The following AFG1L variants were observed in gnomAD, a reference collection of about 807,000 sequenced individuals.
AFG1L encodes AFG1 like ATPase.
In AFG1L, 53 loss-of-function variants were observed where a neutral mutation model predicts 62.2. The ratio of observed to expected loss-of-function variants is 0.85; its 90% confidence interval spans 0.68 to 1.07. AFG1L has a LOEUF of 1.07. Ranked by LOEUF, AFG1L falls within the 50% of genes least tolerant of loss-of-function variation. The pLI is 0.00. For synonymous variants in AFG1L, 228 were observed against 210.3 expected (o/e 1.08, Z -0.73); for missense variants, 555 against 590.5 (o/e 0.94, Z 0.62).
chr6:108,399,843 A>G (rs540293235), intron 6 of AFG1L, among the ~76,000 whole-genome samples: 53 of 137,404 alleles, frequency 3.9e-4, no homozygotes, highest in Middle Eastern at 4.7e-3. Context: ...CAGTGGCAAG[A>G]TCTTGGCCCA....
chr6:108,376,256 G>T (rs1051271824), intron 6 of AFG1L, among the ~76,000 whole-genome samples: 1 of 151,888 alleles, frequency 6.6e-6, no homozygotes, highest in Non-Finnish European at 1.5e-5. Flanking sequence ...TCCTTTCAAA[G>T]AACCAACTTT....
Position 108,356,713 on chromosome 6 carries a change from T to C in AFG1L, c.541T>C (p.Leu181=). ...HKRIHRLKQS[L]PKRKPGFMAK... ...AGGAATACATCGCCTTAAACAGAGT[T>C]TGCCAAAAAGGAAACCAGGATTCAT... is the stretch of plus-strand genomic sequence containing the variant. The change falls in exon 5 of 13, where the codon TTG becomes CTG. Residue 181 remains leucine, a synonymous_variant. Transcript: ENST00000368977. 2 of 1,611,826 alleles carry C rather than the reference T, an allele frequency of 1.2e-6. No individual in the cohort carries two copies. The highest frequency in any genetic ancestry group is 1.7e-6 in the Non-Finnish European group (2 of 1,179,100).
chr6:108,356,821 G>C lies in AFG1L; in HGVS notation c.648+1G>C, dbSNP rs1779309507. ...TCTCCTATGTTTTGATGAATTTCAG[G>C]TAAAGTAGAGATTTTTCATAGATAT... On this transcript the variant is annotated splice_donor_variant, in intron 5 of 12. Transcript: ENST00000368977. LOFTEE classifies it high-confidence loss of function. The C allele has an allele frequency of 6.2e-7, 1 of 1,606,202 alleles. No homozygotes were observed. The highest frequency in any genetic ancestry group is 8.5e-7 in the Non-Finnish European group (1 of 1,177,410).
At chr6:108,479,737 T>G (rs1223735493) in intron 10 of AFG1L, among the ~76,000 whole-genome samples, 3 of 152,122 alleles carry the variant, frequency 2.0e-5, no homozygotes, top group African/African-American at 7.2e-5. Context: ...CAAAAACCAT[T>G]AAGTAAAGAT....
intron 10 of AFG1L, among the ~76,000 whole-genome samples, chr6:108,485,666 T>A (rs1354568278): frequency 3.5e-3 from 210 of 59,228 alleles, no homozygotes; most frequent in Non-Finnish European, 4.8e-3. Flanking sequence ...ATTTTTTTTT[T>A]TTTTTTTTTT....
At chr6:108,446,430 C>G (rs1771801181) in intron 7 of AFG1L, among the ~76,000 whole-genome samples, 1 of 150,674 alleles carries the variant, frequency 6.6e-6, no homozygotes, top group Non-Finnish European at 1.5e-5. Context: ...CGACATCATT[C>G]TAGTTTGGTC....
chr6:108,521,826 T>C (rs1775137111), intron 12 of AFG1L: 1 of 153,246 alleles, frequency 6.5e-6, no homozygotes, highest in Admixed American at 6.5e-5. Context: ...AGCCCTGCCT[T>C]TCAGCCCTGG....
chr6:108,381,025 T>C (rs997623045), intron 6 of AFG1L, among the ~76,000 whole-genome samples: 1 of 152,244 alleles, frequency 6.6e-6, no homozygotes, highest in Non-Finnish European at 1.5e-5. Flanking sequence ...AGAGTTTATC[T>C]TTATATACTA....
At chr6:108,349,991 AG>A (rs956727651) in intron 3 of AFG1L, among the ~76,000 whole-genome samples, 2 of 150,492 alleles carry the variant, frequency 1.3e-5, no homozygotes, top group African/African-American at 2.5e-5. Flanking sequence ...TGGGGGGCTG[AG>A]GGGGGCGGGT....
At chr6:108,447,656 C>A (rs1771873481) in intron 8 of AFG1L, among the ~76,000 whole-genome samples, 1 of 151,986 alleles carries the variant, frequency 6.6e-6, no homozygotes, top group Non-Finnish European at 1.5e-5. Flanking sequence ...TCCGTTCCCC[C>A]CAAAATTGTT....
intron 3 of AFG1L, among the ~76,000 whole-genome samples, chr6:108,347,842 C>A (rs967105109): frequency 1.3e-5 from 2 of 151,574 alleles, no homozygotes; most frequent in African/African-American, 4.9e-5. Flanking sequence ...TTAATTTTTT[C>A]TAATCCCTCA....
chr6:108,387,047 G>A (rs1780794848), intron 6 of AFG1L, among the ~76,000 whole-genome samples: 1 of 152,162 alleles, frequency 6.6e-6, no homozygotes, highest in Admixed American at 6.5e-5. Flanking sequence ...TTAAAAGGTA[G>A]AGATTATCAG....
chr6:108,330,186 T>TTA (rs1554270737), intron 2 of AFG1L, among the ~76,000 whole-genome samples: 57 of 130,638 alleles, frequency 4.4e-4, no homozygotes, highest in Admixed American at 7.4e-4. Context: ...TTTTTTATTT[T>TTA]TTTTTTTTTT....
At chr6:108,521,147 G>C (rs143598787) in intron 12 of AFG1L, 3 of 152,256 alleles carry the variant, frequency 2.0e-5, no homozygotes, top group Non-Finnish European at 4.4e-5. Flanking sequence ...ACTGGCCCCT[G>C]GTGCCAAAAG....
chr6:108,419,136 A>G (rs190304295), intron 7 of AFG1L, among the ~76,000 whole-genome samples: 1 of 152,298 alleles, frequency 6.6e-6, no homozygotes, highest in Non-Finnish European at 1.5e-5. Flanking sequence ...AAAATTTTCA[A>G]TGTGAATTTC....
At chr6:108,302,808 C>T (rs191045828) in intron 1 of AFG1L, among the ~76,000 whole-genome samples, 318 of 152,062 alleles carry the variant, frequency 2.1e-3, no homozygotes, top group African/African-American at 7.4e-3. Context: ...TAACTATTGC[C>T]GTAAGTTAAG....
chr6:108,395,701 T>G (rs888056090), intron 6 of AFG1L, among the ~76,000 whole-genome samples: 1 of 151,608 alleles, frequency 6.6e-6, no homozygotes, highest in African/African-American at 2.4e-5. Flanking sequence ...GCGTGCTAGG[T>G]CTACTACTGT....
At chr6:108,382,555 C>T (rs1423878405) in intron 6 of AFG1L, among the ~76,000 whole-genome samples, 1 of 151,936 alleles carries the variant, frequency 6.6e-6, no homozygotes, top group Non-Finnish European at 1.5e-5. Flanking sequence ...CCTTAAAGGC[C>T]GACAAAGCAT....
At chr6:108,460,098 A>T (rs1772395083) in intron 8 of AFG1L, among the ~76,000 whole-genome samples, 1 of 152,182 alleles carries the variant, frequency 6.6e-6, no homozygotes, top group African/African-American at 2.4e-5. Flanking sequence ...GCAATAAAAA[A>T]TGCAAATACT....
Sources: gnomAD v4.1 joint callset for allele counts (sites outside exome capture counted in the v4.1 genomes callset) on GRCh38, gnomAD v4.1.1 for gene constraint, MANE v1.5 for transcripts, NCBI Gene and HGNC (gene_info 2026-07-23, HGNC 2026-07-21) for gene names.